Variants in ACSL3 observed in about 807,000 individuals in gnomAD.
The protein encoded by ACSL3 is fatty acid CoA ligase Acsl3.
Under a neutral mutation model 84.7 loss-of-function variants are expected in ACSL3, and 34 were observed. The ratio of observed to expected loss-of-function variants is 0.40; its 90% CI spans 0.31 to 0.53. The LOEUF is 0.53. Ranked by LOEUF, ACSL3 falls within the 20% of genes least tolerant of loss-of-function variation. The pLI, the probability that ACSL3 is intolerant of heterozygous loss-of-function variation, is 0.48. For missense variants in ACSL3, 680 were observed against 873.1 expected, an observed-to-expected ratio of 0.78 and a Z score of 2.79; for synonymous variants, 315 against 299.4, an observed-to-expected ratio of 1.05 and a Z score of -0.54.
At chr2:222,895,184 T>C (rs981386869) in intron 2 of ACSL3, among the ~76,000 whole-genome samples, 1 of 152,154 alleles carries the variant, frequency 6.6e-6, no homozygotes, top group Non-Finnish European at 1.5e-5. Flanking sequence ...TTATACTTTC[T>C]CCTTAATTTT....
In ACSL3 at chr2:222,884,368, C is replaced by T. The variant is rs73991923; in HGVS notation, c.-206-3462C>T. Among the ~76,000 whole-genome samples, 885 of 152,296 alleles carry T rather than the reference C, an allele frequency of 5.8e-3. 12 individuals carry two copies. The highest frequency in any genetic ancestry group is 0.019 in the African/African-American group (786 of 41,552). ...TTCTAGGGCCACTGCAACAAATCAC[C>T]ACAGACTGGGAGGCTTAGAACAACA... On this transcript the variant is annotated intron_variant, in intron 1 of 16. Coordinates refer to ENST00000357430, the MANE Select transcript of ACSL3 (RefSeq NM_004457.5).
chr2:222,906,701 GCCTCC>G (rs1696302574), intron 3 of ACSL3, among the ~76,000 whole-genome samples: 2 of 151,152 alleles, frequency 1.3e-5, no homozygotes, highest in Non-Finnish European at 2.9e-5. Context: ...TGCAATCTCC[GCCTCC>G]CAGGTTCAAG....
intron 14 of ACSL3, 28 bp from the exon 15 acceptor site, chr2:222,933,138 C>G (rs772500764): frequency 2.2e-6 from 3 of 1,391,372 alleles, no homozygotes; most frequent in Admixed American, 1.7e-5. Context: ...TCATTGTTTT[C>G]CCCTCTCCAC....
chr2:222,880,863 A>G (rs1695576143), intron 1 of ACSL3, among the ~76,000 whole-genome samples: 2 of 150,810 alleles, frequency 1.3e-5, no homozygotes, highest in African/African-American at 4.9e-5. Context: ...AAACCTGTCT[A>G]TTTTTATTAT....
chr2:222,878,925 A>T (rs1695523413), intron 1 of ACSL3, among the ~76,000 whole-genome samples: 1 of 152,176 alleles, frequency 6.6e-6, no homozygotes, highest in Non-Finnish European at 1.5e-5. Context: ...TAAATTCTGC[A>T]CTTCATCACT....
chr2:222,899,214 C>G (rs1311328396), intron 2 of ACSL3, among the ~76,000 whole-genome samples: 1 of 152,088 alleles, frequency 6.6e-6, no homozygotes, highest in Admixed American at 6.6e-5. Flanking sequence ...GATTGGAAAC[C>G]TAGAAGCTGT....
chr2:222,874,923 A>G (rs1175650820), intron 1 of ACSL3, among the ~76,000 whole-genome samples: 1 of 152,050 alleles, frequency 6.6e-6, no homozygotes, highest in Non-Finnish European at 1.5e-5. Context: ...CCTGGGCAAC[A>G]TAGTGATAAC....
intron 3 of ACSL3, among the ~76,000 whole-genome samples, chr2:222,904,138 G>T (rs1327042965): frequency 2.0e-5 from 3 of 152,144 alleles, no homozygotes; most frequent in Non-Finnish European, 4.4e-5. Context: ...GGGCGTGATG[G>T]TGCATGCCTG....
intron 16 of ACSL3, among the ~76,000 whole-genome samples, chr2:222,935,215 CAG>C (rs753386187): frequency 1.1e-4 from 17 of 152,086 alleles, no homozygotes; most frequent in South Asian, 6.2e-4. Context: ...TTTTAAGAGA[CAG>C]GGTCTCTTCT....
At chr2:222,938,326 A>G (rs1360519037) in intron 16 of ACSL3, among the ~76,000 whole-genome samples, 1 of 152,018 alleles carries the variant, frequency 6.6e-6, no homozygotes, top group East Asian at 1.9e-4. Context: ...TACTCCTATC[A>G]TTATTTTTTG....
At chr2:222,921,864 A>G (rs1696749318) in intron 8 of ACSL3, among the ~76,000 whole-genome samples, 1 of 152,124 alleles carries the variant, frequency 6.6e-6, no homozygotes, top group African/African-American at 2.4e-5. Flanking sequence ...GAAGAGACTG[A>G]TGGAGGAAAC....
chr2:222,911,455 T>C (rs1228344070), intron 4 of ACSL3, among the ~76,000 whole-genome samples: 1 of 152,260 alleles, frequency 6.6e-6, no homozygotes, highest in Non-Finnish European at 1.5e-5. Flanking sequence ...AGTTTTCTAC[T>C]TTTCTATCTG....
chr2:222,865,982 C>A (rs1345058233), intron 1 of ACSL3, among the ~76,000 whole-genome samples: 1 of 152,170 alleles, frequency 6.6e-6, no homozygotes, highest in Admixed American at 6.5e-5. Flanking sequence ...TTTCTGTCTC[C>A]TATTTGATGC....
At chr2:222,878,620 G>A (rs1490431679) in intron 1 of ACSL3, among the ~76,000 whole-genome samples, 6 of 152,150 alleles carry the variant, frequency 3.9e-5, no homozygotes, top group Non-Finnish European at 8.8e-5. Context: ...AGTCAATGAT[G>A]ACTGTGACCT....
intron 2 of ACSL3, among the ~76,000 whole-genome samples, chr2:222,890,116 A>T (rs1340128826): frequency 3.9e-5 from 6 of 152,240 alleles, no homozygotes; most frequent in Non-Finnish European, 8.8e-5. Context: ...CAATATGTTA[A>T]TTGTGATGCA....
chr2:222,910,326 G>A (rs1194062935), intron 4 of ACSL3, among the ~76,000 whole-genome samples: 3 of 152,062 alleles, frequency 2.0e-5, no homozygotes. Flanking sequence ...TTTTAGAGGG[G>A]GTACAGTGAA....
chr2:222,900,166 T>C (rs1320539851), intron 2 of ACSL3, among the ~76,000 whole-genome samples: 4 of 152,220 alleles, frequency 2.6e-5, no homozygotes, highest in African/African-American at 9.6e-5. Context: ...ATCTAGAACA[T>C]TTTAGAAAAA....
intron 14 of ACSL3, 169 bp from the exon 15 acceptor site, chr2:222,932,997 T>A: frequency 2.0e-6 from 1 of 497,218 alleles, no homozygotes; most frequent in South Asian, 3.2e-5. Context: ...AGGGCCTAAT[T>A]TTAATATGTG....
In ACSL3 at chr2:222,944,009, A is replaced by T. The variant is rs1410579357; in HGVS notation, c.*2355A>T. The T allele has an allele frequency of 6.6e-6, 1 of 152,190 alleles. No individual in the cohort carries two copies. The highest frequency in any genetic ancestry group is 1.5e-5 in the Non-Finnish European group (1 of 67,988). The allele number at this position is 152,190 out of a possible 1,614,324, so 9.4% of individuals were successfully genotyped here. On this transcript the variant is annotated 3_prime_UTR_variant, in exon 17 of 17. Transcript: ENST00000357430. ...AGAATTCGTAAGCATTACATGTTCC[A>T]GTAAGTTTAGCAACTTAGAGCCAAG...
Sources: allele counts gnomAD v4.1 joint callset (sites outside exome capture counted in the v4.1 genomes callset), GRCh38; gene constraint gnomAD v4.1.1; transcripts MANE v1.5; gene names NCBI Gene and HGNC (gene_info 2026-07-23, HGNC 2026-07-21).